The following HAP1 variants were observed in gnomAD, a reference collection of about 807,000 sequenced individuals.
The protein encoded by HAP1 is huntingtin-associated protein 1.
In HAP1, 59 loss-of-function variants were observed where a neutral mutation model predicts 60.3. That is an observed-to-expected ratio of 0.98 (90% CI 0.79 to 1.22). The LOEUF (loss-of-function observed/expected upper bound fraction) is 1.22, where lower values mean the gene tolerates loss of function less well. Among genes scored for constraint, HAP1 ranks in the 50% most tolerant of loss-of-function variants. The pLI is 0.00. For synonymous variants in HAP1, 346 were observed against 330.6 expected, an observed-to-expected ratio of 1.05 and a Z score of -0.50; for missense variants, 825 against 785.3, an observed-to-expected ratio of 1.05 and a Z score of -0.60.
At chr17:41,726,633 C>T (rs548249916) in intron 9 of HAP1, among the ~76,000 whole-genome samples, 4 of 151,160 alleles carry the variant, frequency 2.6e-5, no homozygotes, top group Admixed American at 6.6e-5. Context: ...GAGGCTGAGG[C>T]GGGCAGATCA....
At chr17:41,734,116 G>C in intron 1 of HAP1, 50 bp downstream of exon 1, 2 of 1,449,184 alleles carry the variant, frequency 1.4e-6, no homozygotes, top group Non-Finnish European at 1.9e-6. Flanking sequence ...CTTCCTCCCT[G>C]GAGTTGCCCC....
In HAP1 at chr17:41,731,649, G is replaced by A. The variant is rs1912208222; in HGVS notation, c.991C>T (p.Leu331=). The A allele has an allele frequency of 6.2e-7, 1 of 1,613,576 alleles. No individual in the cohort carries two copies. The change falls in exon 5 of 11, where the codon CTG becomes TTG. Residue 331 remains leucine (L), a synonymous_variant. Coordinates refer to ENST00000347901, the MANE Select transcript of HAP1 (RefSeq NM_177977.3). ...TCCCCCATTCTCACCTCTTCTCTCAGCTGATGATTCTCCTCCTCCAGCAGC... is the reference window on the plus strand; with the variant it reads ...TCCCCCATTCTCACCTCTTCTCTCAACTGATGATTCTCCTCCTCCAGCAGC... The part of the protein sequence containing the change: ...LRLLEEENHQ[L]REEASQLDTL...
intron 9 of HAP1, among the ~76,000 whole-genome samples, chr17:41,726,712 A>G (rs1555588891): frequency 6.6e-6 from 1 of 151,668 alleles, no homozygotes; most frequent in Non-Finnish European, 1.5e-5. Flanking sequence ...AAAATACAAA[A>G]AGTAGCCGGG....
rs782537312 is a variant in HAP1 at position 41,731,762 on chromosome 17, G to C, written c.897-19C>G. On this transcript the variant is annotated intron_variant, in intron 4 of 10. Coordinates refer to ENST00000347901, the MANE Select transcript of HAP1 (RefSeq NM_177977.3). ...CGAAATCCTAGGGGAGGGAGGAATG[G>C]GAGTCAGGGTGCAGGGAGTGGGGCT... 1.3e-6 allele frequency: 2 copies of C among 1,576,460 alleles called. No individual in the cohort carries two copies. The highest frequency in any genetic ancestry group is 2.2e-5 in the South Asian group (2 of 90,170).
Position 41,734,225 on chromosome 17 carries a change from C to T in HAP1, c.410G>A (p.Gly137Asp). ...GIWKTPAAYV[G>D]RRPGVSGPER... is the part of the protein sequence containing the mutation. The stretch of plus-strand genomic sequence containing the variant: ...AGGGCCGGACACCCCGGGTCGCCGG[C>T]CAACGTAGGCGGCTGGCGTCTTCCA... The change falls in exon 1 of 11, where the codon GGC becomes GAC. Residue 137 changes from glycine (G) to aspartate (D), a missense_variant. Transcript: ENST00000347901. 1 of 1,599,426 alleles carries T rather than the reference C, an allele frequency of 6.3e-7. No individual in the cohort carries two copies. Among genetic ancestry groups the T allele is most frequent in the Non-Finnish European group, 8.6e-7 (1 of 1,169,562 alleles).
Position 41,734,329 on chromosome 17 carries a change from C to A in HAP1, c.306G>T (p.Ala102=), listed in dbSNP as rs1318164422. ...DVRSMPDNSD[A]PWTRFVFQGP... is the part of the protein sequence containing the mutation. ...CTTGGAATACGAAGCGGGTCCACGG[C>A]GCGTCCGAATTGTCGGGCATAGACC... is the stretch of plus-strand genomic sequence containing the variant. The change falls in exon 1 of 11, where the codon GCG becomes GCT. Residue 102 remains alanine, a synonymous_variant. Transcript: ENST00000347901. 1.2e-6 allele frequency: 2 copies of A among 1,608,798 alleles called. No individual in the cohort carries two copies. Among genetic ancestry groups the A allele is most frequent in the Non-Finnish European group, 1.7e-6 (2 of 1,177,198 alleles).
Position 41,724,833 on chromosome 17 carries a change from G to A in HAP1, c.1728C>T (p.Leu576=), listed in dbSNP as rs145424258. Residue 576 remains leucine (L), a synonymous_variant, in exon 11 of 11, where the codon CTC becomes CTT. Transcript: ENST00000347901. ...CATCTTGCCAGTTGGCCAGCTGCTG[G>A]AGGACATAATTCATGTCCAGGTGTG... is the stretch of plus-strand genomic sequence containing the variant. ...GPSHLDMNYV[L]QQLANWQDAH... is the part of the protein sequence containing the mutation. 3.8e-5 allele frequency: 61 copies of A among 1,613,206 alleles called. No homozygotes were observed. In the African/African-American group the frequency reaches 6.5e-4, roughly 17 times the overall value.
chr17:41,729,483 G>A (rs1911954928), intron 6 of HAP1, among the ~76,000 whole-genome samples: 1 of 137,648 alleles, frequency 7.3e-6, no homozygotes, highest in African/African-American at 2.7e-5. Flanking sequence ...TCGGGAGGTG[G>A]AGGTTGCAGT....
chr17:41,718,128 G>A (rs1181588291), downstream of HAP1: 4 of 405,106 alleles, frequency 9.9e-6, 1 homozygote, highest in East Asian at 2.2e-4. Flanking sequence ...AACTCAGAGA[G>A]GTAGCTTAGA....
intron 6 of HAP1, among the ~76,000 whole-genome samples, chr17:41,728,739 C>G (rs893771790): frequency 6.6e-5 from 10 of 152,102 alleles, no homozygotes; most frequent in Non-Finnish European, 1.5e-4. Flanking sequence ...GTGAAGCTCA[C>G]CCAGGCAAAG....
rs1162563636 is a variant in HAP1, at chr17:41,729,549, C to CAAAAAAAAAAAAAAA, written c.1070-1233_1070-1219dup. 1.0e-3 allele frequency among the ~76,000 whole-genome samples: 65 copies of CAAAAAAAAAAAAAAA among 63,100 alleles called. 20 individuals are homozygous for CAAAAAAAAAAAAAAA. Among genetic ancestry groups the CAAAAAAAAAAAAAAA allele is most frequent in the Non-Finnish European group, 1.4e-3 (49 of 34,350 alleles). The allele number at this position is 63,100 out of a possible 152,430, so 41.4% of individuals were successfully genotyped here. On this transcript the variant is annotated intron_variant, in intron 6 of 10. Coordinates refer to ENST00000347901, the MANE Select transcript of HAP1 (RefSeq NM_177977.3). ...TGGGTTACAGAGGGAGCCTCCTTCT[C>CAAAAAAAAAAAAAAA]AAAAAAAAAAAAAAAAAAAAAAAAA...
In HAP1 at chr17:41,723,950, G is replaced by A. The variant is rs1567778355; in HGVS notation, c.*751C>T. The A allele has an allele frequency of 6.6e-6, 1 of 152,270 alleles. No homozygotes were observed. The highest frequency in any genetic ancestry group is 1.5e-5 in the Non-Finnish European group (1 of 68,122). 9.4% of individuals were successfully genotyped at this position (152,270 alleles called of 1,614,324 possible). Reference sequence around the variant, plus strand: ...CCTCACCCTCCTCACCTAACCAATGGGGACACATCACCTGCCACGGAATGA... The same window carrying A: ...CCTCACCCTCCTCACCTAACCAATGAGGACACATCACCTGCCACGGAATGA... On this transcript the variant is annotated 3_prime_UTR_variant, in exon 11 of 11. Transcript: ENST00000347901.
chr17:41,732,959 T>G (rs1440977510), intron 1 of HAP1, among the ~76,000 whole-genome samples, 161 bp from the exon 2 acceptor site: 1 of 151,292 alleles, frequency 6.6e-6, no homozygotes, highest in African/African-American at 2.4e-5. Context: ...ATCCTCCCCT[T>G]ACCCCTCGGC....
Position 41,732,720 on chromosome 17 carries a change from T to C in HAP1, c.548A>G (p.Glu183Gly). 6.2e-7 allele frequency: 1 copy of C among 1,607,992 alleles called. No individual in the cohort carries two copies. Among genetic ancestry groups the C allele is most frequent in the Non-Finnish European group, 8.5e-7 (1 of 1,174,444 alleles). The change falls in exon 2 of 11, where the codon GAG becomes GGG. Residue 183 changes from glutamate (E) to glycine (G), a missense_variant and splice_region_variant. Physicochemically the swap from Glu to Gly is moderately conservative, Grantham distance 98. Transcript: ENST00000347901. Reference sequence around the variant, plus strand: ...CTGGATCAGGAAGGCAGTACACACCTCCTCCAGCAAATATAACATCACTTT... The same window carrying C: ...CTGGATCAGGAAGGCAGTACACACCCCCTCCAGCAAATATAACATCACTTT... ...DVKVMLYLLE[E>G]LLPPVWESVT...
chr17:41,726,830 T>C (rs1396207893), intron 9 of HAP1, among the ~76,000 whole-genome samples: 5 of 149,124 alleles, frequency 3.4e-5, no homozygotes, highest in African/African-American at 9.9e-5. Flanking sequence ...ACCATTGCAC[T>C]CCAGCTTGGG....
rs189724814 is a variant in HAP1 at position 41,729,693 on chromosome 17, T to C, written c.1070-1362A>G. Among the ~76,000 whole-genome samples, 1,208 of 147,038 alleles carry C rather than the reference T, an allele frequency of 8.2e-3. 9 individuals carry two copies. The highest frequency in any genetic ancestry group is 0.027 in the Middle Eastern group (7 of 264). ...GAATTCAAGACCAACCTGGCCAACA[T>C]GGTGAAACCCCATCTCTACTAAAAA... On this transcript the variant is annotated intron_variant, in intron 6 of 10. Coordinates refer to ENST00000347901, the MANE Select transcript of HAP1 (RefSeq NM_177977.3).
At position 41,725,174 on chromosome 17, in the gene HAP1, A is replaced by G. The variant is rs782593685; in HGVS notation, c.1407-20T>C. ...TCATACCTGGGCGGGAGATAGCGAC[A>G]TCTTTTGAGGGGCTGGAAAGTCCAA... On this transcript the variant is annotated intron_variant, in intron 10 of 10. Transcript: ENST00000347901. 1.9e-6 allele frequency: 3 copies of G among 1,549,324 alleles called. No individual in the cohort carries two copies. The highest frequency in any genetic ancestry group is 2.6e-6 in the Non-Finnish European group (3 of 1,146,522).
chr17:41,731,688 G>T lies in HAP1; in HGVS notation c.952C>A (p.Gln318Lys). The T allele has an allele frequency of 6.2e-7, 1 of 1,614,078 alleles. No individual in the cohort carries two copies. Among genetic ancestry groups the T allele is most frequent in the Non-Finnish European group, 8.5e-7 (1 of 1,179,970 alleles). ...TCCTCCAGCAGCCTCAGCTTCTCCT[G>T]CAAGGCTTCCAGCTGTGGGCAGTGG... ...QHHCPQLEAL[Q>K]EKLRLLEEEN... Residue 318 changes from glutamine to lysine, a missense_variant, in exon 5 of 11, where the codon CAG (glutamine) becomes AAG (lysine). Gln to Lys is a moderately conservative substitution (Grantham distance 53). Transcript: ENST00000347901.
chr17:41,732,913 CG>C, intron 1 of HAP1, 115 bp from the exon 2 acceptor site: 1 of 709,306 alleles, frequency 1.4e-6, no homozygotes, highest in Non-Finnish European at 2.6e-6. Context: ...CAAGGGTCAT[CG>C]GGAGAGAAGA....
Sources: allele counts gnomAD v4.1 joint callset (sites outside exome capture counted in the v4.1 genomes callset), GRCh38; gene constraint gnomAD v4.1.1; transcripts MANE v1.5; gene names NCBI Gene and HGNC (gene_info 2026-07-23, HGNC 2026-07-21).